Variants in BACE2 observed in about 807,000 individuals in gnomAD.
BACE2 encodes 56 kDa aspartic-like protease.
BACE2 carries 17 observed loss-of-function variants against 46.2 expected under a neutral mutation model. The ratio of observed to expected loss-of-function variants is 0.37; its 90% CI spans 0.25 to 0.55. BACE2 has a LOEUF of 0.55. Ranked by LOEUF, BACE2 falls within the 20% of genes least tolerant of loss-of-function variation. The pLI, the probability that BACE2 is intolerant of heterozygous loss-of-function variation, is 0.82. For missense variants in BACE2, 595 were observed against 698.1 expected, an observed-to-expected ratio of 0.85 and a Z score of 1.66; for synonymous variants, 277 against 295.9, an observed-to-expected ratio of 0.94 and a Z score of 0.66.
intron 7 of BACE2, chr21:41,252,491 G>C (rs909552962): frequency 6.6e-6 from 1 of 152,184 alleles, no homozygotes. Context: ...ATATTTTCTG[G>C]TCTGCTCATC....
In BACE2 at chr21:41,241,997, T is replaced by G. The variant is rs1171213918; in HGVS notation, c.747+50T>G. 1.9e-6 allele frequency: 3 copies of G among 1,603,148 alleles called. No individual in the cohort carries two copies. In the South Asian group the frequency reaches 3.3e-5, roughly 18 times the overall value. On this transcript the variant is annotated intron_variant, in intron 4 of 8. Coordinates refer to ENST00000330333, the MANE Select transcript of BACE2 (RefSeq NM_012105.5). ...GGCGAAAAATCACAGATGGATGGGC[T>G]GTTTTTTTCTGTTTTATTAAACACC...
intron 1 of BACE2, among the ~76,000 whole-genome samples, chr21:41,172,159 C>G (rs1022643415): frequency 2.0e-5 from 3 of 152,158 alleles, no homozygotes; most frequent in African/African-American, 7.2e-5. Flanking sequence ...GTTGAAAGAA[C>G]AAGAAAGTCA....
intron 7 of BACE2, among the ~76,000 whole-genome samples, chr21:41,253,982 C>T (rs577144551): frequency 1.8e-4 from 27 of 152,276 alleles, no homozygotes; most frequent in African/African-American, 2.6e-4. Flanking sequence ...AGACCCCACA[C>T]GCTCCATGTT....
chr21:41,202,466 T>C (rs984331825), intron 1 of BACE2, among the ~76,000 whole-genome samples: 2 of 152,250 alleles, frequency 1.3e-5, no homozygotes, highest in Non-Finnish European at 2.9e-5. Flanking sequence ...GGCTTGAGTC[T>C]GCTGGAAAGC....
intron 1 of BACE2, chr21:41,183,050 A>T (rs946798476): frequency 4.2e-5 from 7 of 166,798 alleles, no homozygotes; most frequent in Admixed American, 2.0e-4. Context: ...GAAGTCATGA[A>T]CTTCACACTA....
intron 6 of BACE2, 129 bp from the exon 7 acceptor site, chr21:41,250,623 C>A (rs1987609202): frequency 1.3e-6 from 1 of 786,152 alleles, no homozygotes; most frequent in Non-Finnish European, 2.1e-6. Flanking sequence ...AATGTCCCTG[C>A]TGTTCTGTCC....
intron 8 of BACE2, among the ~76,000 whole-genome samples, chr21:41,271,795 T>C (rs1044234188): frequency 3.9e-5 from 6 of 152,186 alleles, no homozygotes; most frequent in Non-Finnish European, 8.8e-5. Flanking sequence ...TGTCATCCAT[T>C]TTACCTATGC....
At chr21:41,234,100 G>A (rs1351070689) in intron 2 of BACE2, among the ~76,000 whole-genome samples, 1 of 152,120 alleles carries the variant, frequency 6.6e-6, no homozygotes, top group African/African-American at 2.4e-5. Context: ...GAATCAAGGG[G>A]GCGGTTTTTC....
rs559253327 is a variant in BACE2 at position 41,194,467 on chromosome 21, T to C, written c.312+25892T>C. 7.9e-5 allele frequency among the ~76,000 whole-genome samples: 12 copies of C among 152,358 alleles called. 1 individual carries two copies. The East Asian group carries it at 2.3e-3, about 29-fold the overall frequency. ...GCTTTTGCAACAAAGGACACAGTTGTAGGCAGTGGATCCTAAATGGAGGTT... is the reference window on the plus strand; with the variant it reads ...GCTTTTGCAACAAAGGACACAGTTGCAGGCAGTGGATCCTAAATGGAGGTT... On this transcript the variant is annotated intron_variant, in intron 1 of 8. Coordinates refer to ENST00000330333, the MANE Select transcript of BACE2 (RefSeq NM_012105.5).
chr21:41,254,048 G>C (rs1199031841), intron 7 of BACE2, among the ~76,000 whole-genome samples: 6 of 152,080 alleles, frequency 3.9e-5, no homozygotes, highest in South Asian at 4.1e-4. Context: ...AAACCGCCAG[G>C]GTTCTTGTCC....
intron 8 of BACE2, 26 bp from the exon 9 acceptor site, chr21:41,275,345 T>C: frequency 6.2e-7 from 1 of 1,613,672 alleles, no homozygotes; most frequent in Non-Finnish European, 8.5e-7. Flanking sequence ...TTCACAGCTG[T>C]GGATTTTCCC....
intron 5 of BACE2, among the ~76,000 whole-genome samples, chr21:41,244,466 T>C (rs1987400335): frequency 6.6e-6 from 1 of 151,604 alleles, no homozygotes; most frequent in African/African-American, 2.4e-5. Context: ...AGGGTGGGGG[T>C]CACAAGGTGC....
intron 2 of BACE2, among the ~76,000 whole-genome samples, chr21:41,228,781 A>G (rs561400069): frequency 1.8e-4 from 28 of 152,352 alleles, no homozygotes; most frequent in African/African-American, 6.7e-4. Flanking sequence ...TCCAAACTCT[A>G]TCAGTTGCTG....
intron 1 of BACE2, among the ~76,000 whole-genome samples, chr21:41,169,423 A>G (rs77141041): frequency 0.01 from 1,521 of 151,644 alleles, 30 homozygotes; most frequent in African/African-American, 0.035. Flanking sequence ...GTAGCAAGAA[A>G]CAAATGTTCC....
intron 1 of BACE2, among the ~76,000 whole-genome samples, chr21:41,216,998 C>T (rs1312321610): frequency 6.6e-6 from 1 of 152,140 alleles, no homozygotes; most frequent in African/African-American, 2.4e-5. Flanking sequence ...GTGGTGCGAT[C>T]TTGGCTTACT....
At chr21:41,221,976 G>A (rs184261693) in intron 1 of BACE2, among the ~76,000 whole-genome samples, 13 of 152,306 alleles carry the variant, frequency 8.5e-5, no homozygotes, top group Non-Finnish European at 1.3e-4. Flanking sequence ...AGGAGCTGTC[G>A]GGACCCCGTG....
chr21:41,275,604 G>A lies in BACE2; in HGVS notation c.1537G>A (p.Val513Ile). The A allele has an allele frequency of 6.2e-7, 1 of 1,613,950 alleles. No individual in the cohort carries two copies. Among genetic ancestry groups the A allele is most frequent in the Non-Finnish European group, 8.5e-7 (1 of 1,180,008 alleles). ...PEVVNDESSLVRHRWK is the reference protein window; with the variant it reads ...PEVVNDESSLIRHRWK ...GGTCGTCAATGATGAGTCCTCTCTGGTCAGACATCGCTGGAAATGAATAGC... is the reference window on the plus strand; with the variant it reads ...GGTCGTCAATGATGAGTCCTCTCTGATCAGACATCGCTGGAAATGAATAGC... The change falls in exon 9 of 9, where the codon GTC (valine) becomes ATC (isoleucine). Residue 513 changes from valine to isoleucine, a missense_variant. Transcript: ENST00000330333.
At position 41,276,362 on chromosome 21, in the gene BACE2, A is replaced by C. The variant is rs2088489932; in HGVS notation, c.*738A>C. 1 of 152,146 alleles carries C rather than the reference A, an allele frequency of 6.6e-6. No individual in the cohort carries two copies. Among genetic ancestry groups the C allele is most frequent in the African/African-American group, 2.4e-5 (1 of 41,426 alleles). The allele number at this position is 152,146 out of a possible 1,614,324, so 9.4% of individuals were successfully genotyped here. A position where few individuals can be genotyped will look rare whatever the true frequency, so the allele number is the denominator to read the frequency against. On this transcript the variant is annotated 3_prime_UTR_variant, in exon 9 of 9. Coordinates refer to ENST00000330333, the MANE Select transcript of BACE2 (RefSeq NM_012105.5). ...TTGTATTGTTGGTGCGAAAGTAAAA[A>C]CACTACCTCTTTTGAGACTTTGCCC... is the stretch of plus-strand genomic sequence containing the variant.
intron 8 of BACE2, among the ~76,000 whole-genome samples, chr21:41,269,111 C>T (rs1010286355): frequency 2.6e-5 from 4 of 151,886 alleles, no homozygotes; most frequent in African/African-American, 7.3e-5. Context: ...TGTGCCACCA[C>T]GCCTGGCTAA....
Sources: gnomAD v4.1 joint callset for allele counts (sites outside exome capture counted in the v4.1 genomes callset) on GRCh38, gnomAD v4.1.1 for gene constraint, MANE v1.5 for transcripts, NCBI Gene and HGNC (gene_info 2026-07-23, HGNC 2026-07-21) for gene names.